Variants in ATXN7L1 observed in about 807,000 individuals in gnomAD.
ATXN7L1 encodes the protein ataxin 7 like 1, also known as ataxin-7-like protein 1.
ATXN7L1 carries 15 observed loss-of-function variants against 70.8 expected under a neutral mutation model. The observed-to-expected ratio is 0.21, with a 90% CI of 0.14 to 0.33. The LOEUF (loss-of-function observed/expected upper bound fraction) is 0.33. Ranked by LOEUF, ATXN7L1 falls within the 10% of genes least tolerant of loss-of-function variation. ATXN7L1 has a pLI of 1.00. For synonymous variants in ATXN7L1, 440 were observed against 445.1 expected (o/e 0.99, Z 0.14); for missense variants, 975 against 1,097.1 (o/e 0.89, Z 1.57).
intron 2 of ATXN7L1, among the ~76,000 whole-genome samples, chr7:105,839,458 G>T (rs1251772742): frequency 6.6e-6 from 1 of 152,172 alleles, no homozygotes; most frequent in Non-Finnish European, 1.5e-5. Flanking sequence ...CTGGGTTCAA[G>T]ATGGTACCTG....
chr7:105,663,766 T>G (rs918074524), intron 4 of ATXN7L1, among the ~76,000 whole-genome samples: 1 of 151,990 alleles, frequency 6.6e-6, no homozygotes, highest in Admixed American at 6.6e-5. Flanking sequence ...GCCTCAGATT[T>G]TTTTTTTCTT....
intron 3 of ATXN7L1, among the ~76,000 whole-genome samples, chr7:105,731,341 C>T (rs1262566871): frequency 6.6e-6 from 1 of 151,870 alleles, no homozygotes; most frequent in Non-Finnish European, 1.5e-5. Context: ...CTGGTATTAT[C>T]GTCTCACTTT....
In ATXN7L1 at chr7:105,875,823, A is replaced by T; in HGVS notation, c.239T>A (p.Leu80His). Reference protein sequence around the residue: ...EGGKSREVMRLNKEDMHLFGH... With the variant: ...EGGKSREVMRHNKEDMHLFGH... The stretch of plus-strand genomic sequence containing the variant: ...GTAGCTCCACTTACCTTCTTTATTA[A>T]GCCTCATAACCTCCCTGCTTTTTCC... The change falls in exon 2 of 12, where the codon CTT becomes CAT. Residue 80 changes from leucine (L) to histidine (H), a missense_variant. Physicochemically the swap from Leu to His is moderately conservative, Grantham distance 99. Transcript: ENST00000419735. The T allele has an allele frequency of 6.2e-7, 1 of 1,613,556 alleles. No individual in the cohort carries two copies. Among genetic ancestry groups the T allele is most frequent in the Non-Finnish European group, 8.5e-7 (1 of 1,179,558 alleles).
chr7:105,722,285 G>A (rs76312159), intron 3 of ATXN7L1, among the ~76,000 whole-genome samples: 12,617 of 152,084 alleles, frequency 0.083, 554 homozygotes, highest in South Asian at 0.16. Context: ...TACAAAGGCC[G>A]GGCACAGTGG....
intron 2 of ATXN7L1, among the ~76,000 whole-genome samples, chr7:105,837,281 A>G (rs74825679): frequency 0.058 from 8,887 of 152,118 alleles, 410 homozygotes; most frequent in East Asian, 0.22. Context: ...TATCCAAACT[A>G]TATCATAGTC....
chr7:105,841,333 A>C (rs573460482), intron 2 of ATXN7L1, among the ~76,000 whole-genome samples: 1 of 152,210 alleles, frequency 6.6e-6, no homozygotes. Flanking sequence ...CATTTTCTCC[A>C]GCTGAAAAGT....
chr7:105,665,948 C>T (rs535059929), intron 3 of ATXN7L1, among the ~76,000 whole-genome samples: 4 of 152,266 alleles, frequency 2.6e-5, no homozygotes, highest in Non-Finnish European at 4.4e-5. Context: ...CTTGGGCCGG[C>T]GAGCACAACT....
chr7:105,778,345 A>C (rs948836812), intron 3 of ATXN7L1, among the ~76,000 whole-genome samples: 1 of 58,786 alleles, frequency 1.7e-5, no homozygotes, highest in Non-Finnish European at 3.1e-5. Context: ...GCATCTCTAC[A>C]AAAAAAAAAA....
intron 3 of ATXN7L1, among the ~76,000 whole-genome samples, chr7:105,726,638 T>C (rs937921893): frequency 2.6e-5 from 4 of 152,150 alleles, no homozygotes; most frequent in African/African-American, 9.7e-5. Context: ...GAGTGTCCAG[T>C]ATGGCAAAGG....
At chr7:105,718,333 T>C (rs911180867) in intron 3 of ATXN7L1, among the ~76,000 whole-genome samples, 16 of 152,324 alleles carry the variant, frequency 1.1e-4, no homozygotes, top group Middle Eastern at 3.4e-3. Flanking sequence ...AGCCAGCAAG[T>C]AAGCAGTCCG....
intron 3 of ATXN7L1, among the ~76,000 whole-genome samples, chr7:105,699,477 C>T (rs1243864383): frequency 6.6e-6 from 1 of 152,152 alleles, no homozygotes; most frequent in Non-Finnish European, 1.5e-5. Flanking sequence ...TTGAATGTTA[C>T]TTGATCCTTT....
At chr7:105,822,059 C>T (rs890989894) in intron 2 of ATXN7L1, among the ~76,000 whole-genome samples, 2 of 152,184 alleles carry the variant, frequency 1.3e-5, no homozygotes, top group African/African-American at 2.4e-5. Flanking sequence ...AGAGCCCTTC[C>T]CTATACTTCA....
chr7:105,632,948 A>AG (rs1562926809), intron 7 of ATXN7L1, among the ~76,000 whole-genome samples: 1 of 144,306 alleles, frequency 6.9e-6, no homozygotes, highest in Admixed American at 7.0e-5. Flanking sequence ...AAAAAAAAAA[A>AG]GAAGAAGAGT....
chr7:105,813,944 C>T (rs571044141), intron 2 of ATXN7L1, among the ~76,000 whole-genome samples: 16 of 152,220 alleles, frequency 1.1e-4, no homozygotes, highest in African/African-American at 3.9e-4. Context: ...AGTATGAGTC[C>T]CACCCTTCCA....
intron 3 of ATXN7L1, chr7:105,761,565 T>C (rs1800555575): frequency 6.8e-7 from 1 of 1,460,508 alleles, no homozygotes; most frequent in African/African-American, 1.4e-5. Flanking sequence ...TTGCCATGTT[T>C]CCCCCTAAAT....
At position 105,627,045 on chromosome 7, in the gene ATXN7L1, AT is replaced by A. The variant is rs1400243572; in HGVS notation, c.1203-2779del. On this transcript the variant is annotated intron_variant, in intron 7 of 11. Coordinates refer to ENST00000419735, the MANE Select transcript of ATXN7L1 (RefSeq NM_020725.2). ...TAATCCATAGTATGAATATATCACA[AT>A]TTACTTAACAAATCTTCTGTTGATG... Among the ~76,000 whole-genome samples, 12 of 152,270 alleles carry A rather than the reference AT, an allele frequency of 7.9e-5. 1 individual carries two copies. In the South Asian group the frequency reaches 2.5e-3, roughly 32 times the overall value.
intron 2 of ATXN7L1, among the ~76,000 whole-genome samples, chr7:105,869,678 T>C (rs1376910736): frequency 6.6e-6 from 1 of 152,208 alleles, no homozygotes; most frequent in Non-Finnish European, 1.5e-5. Context: ...AATTTTCAAA[T>C]TGGAAACTTT....
intron 3 of ATXN7L1, among the ~76,000 whole-genome samples, chr7:105,728,694 G>A (rs957842800): frequency 5.3e-5 from 8 of 152,140 alleles, no homozygotes; most frequent in African/African-American, 1.9e-4. Flanking sequence ...AAAGGTGCCA[G>A]GACTCCCTGG....
intron 3 of ATXN7L1, among the ~76,000 whole-genome samples, chr7:105,705,112 C>G (rs932572127): frequency 6.6e-6 from 1 of 152,100 alleles, no homozygotes; most frequent in Non-Finnish European, 1.5e-5. Context: ...GCAACCTCCT[C>G]CTCCTGGGTT....
Sources: gnomAD v4.1 joint callset for allele counts (sites outside exome capture counted in the v4.1 genomes callset) on GRCh38, gnomAD v4.1.1 for gene constraint, MANE v1.5 for transcripts, NCBI Gene and HGNC (gene_info 2026-07-23, HGNC 2026-07-21) for gene names.